The following ITPR2 variants were observed in gnomAD, a reference collection of about 807,000 sequenced individuals.
ITPR2 encodes inositol 1,4,5-trisphosphate receptor type 2.
ITPR2 carries 207 observed loss-of-function variants against 317.1 expected under a neutral mutation model. The ratio of observed to expected loss-of-function variants is 0.65; its 90% confidence interval spans 0.58 to 0.73. The LOEUF is 0.73. Ranked by LOEUF, ITPR2 falls within the 30% of genes least tolerant of loss-of-function variation. The pLI is 0.00. For synonymous variants in ITPR2, 1,156 were observed against 1,149.1 expected (o/e 1.01, Z -0.12); for missense variants, 2,613 against 3,284.0 (o/e 0.80, Z 4.99).
At chr12:26,809,532 T>C (rs1950696925) in intron 1 of ITPR2, among the ~76,000 whole-genome samples, 1 of 152,252 alleles carries the variant, frequency 6.6e-6, no homozygotes, top group Admixed American at 6.5e-5. Flanking sequence ...ATTTGACATT[T>C]TGGTAAGATT....
intron 46 of ITPR2, 150 bp downstream of exon 46, chr12:26,443,393 C>G: frequency 3.8e-6 from 2 of 525,142 alleles, no homozygotes. Flanking sequence ...CTATAAATCA[C>G]TCCTCACTCA....
In ITPR2 at chr12:26,402,917, T is replaced by C. The variant is rs574914245; in HGVS notation, c.7400-2659A>G. ...CTCCAACAGCCGCTGGACGAGGTGCTAGGAATATATGAGAGAAGGATGGAA... is the reference window on the plus strand; with the variant it reads ...CTCCAACAGCCGCTGGACGAGGTGCCAGGAATATATGAGAGAAGGATGGAA... On this transcript the variant is annotated intron_variant, in intron 52 of 56. Transcript: ENST00000381340. 3.3e-5 allele frequency among the ~76,000 whole-genome samples: 5 copies of C among 152,226 alleles called. No homozygotes were observed. In the East Asian group the frequency reaches 9.6e-4, roughly 29 times the overall value.
intron 9 of ITPR2, among the ~76,000 whole-genome samples, chr12:26,706,828 A>C (rs1948561168): frequency 6.6e-6 from 1 of 152,156 alleles, no homozygotes; most frequent in Admixed American, 6.5e-5. Context: ...TCTTAAAGCA[A>C]GGAGACCTGT....
intron 28 of ITPR2, 83 bp downstream of exon 28, chr12:26,602,287 G>T (rs1262299293): frequency 1.4e-6 from 2 of 1,469,132 alleles, no homozygotes; most frequent in Non-Finnish European, 1.8e-6. Flanking sequence ...AATTAAGAAA[G>T]AAAAAATTTC....
chr12:26,513,531 C>T (rs908943000), intron 37 of ITPR2, among the ~76,000 whole-genome samples: 2 of 150,376 alleles, frequency 1.3e-5, no homozygotes, highest in African/African-American at 4.8e-5. Context: ...TCCTCGGATA[C>T]TTTGTTCAGA....
intron 45 of ITPR2, among the ~76,000 whole-genome samples, chr12:26,461,623 TATAA>T (rs1162549863): frequency 0.024 from 220 of 9,260 alleles, 4 homozygotes; most frequent in Non-Finnish European, 0.038. Context: ...AAGAAAAGCA[TATAA>T]ATATATATAT....
chr12:26,631,898 C>T lies in ITPR2; in HGVS notation c.2902G>A (p.Asp968Asn). 1 of 1,613,992 alleles carries T rather than the reference C, an allele frequency of 6.2e-7. No individual in the cohort carries two copies. Among genetic ancestry groups the T allele is most frequent in the Non-Finnish European group, 8.5e-7 (1 of 1,179,986 alleles). ...PTEHEDVTVM[D>N]TKLKIIEILQ... ...ATCTCAATGATCTTCAGCTTGGTGT[C>T]CATCACAGTCACATCCTCGTGCTCG... Residue 968 changes from aspartate to asparagine, a missense_variant, in exon 22 of 57, where the codon GAC becomes AAC. By Grantham distance (23) the Asp-to-Asn change is conservative (BLOSUM62 1). Coordinates refer to ENST00000381340, the MANE Select transcript of ITPR2 (RefSeq NM_002223.4).
At position 26,481,229 on chromosome 12, in the gene ITPR2, T is replaced by C. The variant is rs1942539420; in HGVS notation, c.6025A>G (p.Thr2009Ala). Residue 2009 changes from threonine to alanine, a missense_variant, in exon 43 of 57, where the codon ACA becomes GCA. Transcript: ENST00000381340. ...PCHENQTCIA[T>A]HESNGIDIII... Reference sequence around the variant, plus strand: ...ATATCAATCCCATTAGACTCATGTGTAGCGATACAGGTCTAGAAAACAAAA... The same window carrying C: ...ATATCAATCCCATTAGACTCATGTGCAGCGATACAGGTCTAGAAAACAAAA... 3 of 1,603,212 alleles carry C rather than the reference T, an allele frequency of 1.9e-6. No homozygotes were observed. The highest frequency in any genetic ancestry group is 1.3e-5 in the African/African-American group (1 of 74,826).
At chr12:26,623,349 T>C (rs1019483544) in intron 24 of ITPR2, 1 of 152,080 alleles carries the variant, frequency 6.6e-6, no homozygotes, top group Non-Finnish European at 1.5e-5. Flanking sequence ...ATTAGTCACT[T>C]AGTAGCCGTA....
rs78148860 is a variant in ITPR2, at chr12:26,365,466, A to G, written c.7857+21968T>C. On this transcript the variant is annotated intron_variant, in intron 55 of 56. Transcript: ENST00000381340. Reference sequence around the variant, plus strand: ...TGACACAGGAGTTCAGAAGTAATAGATCAGAATTTTCATTAAGTACACATG... The same window carrying G: ...TGACACAGGAGTTCAGAAGTAATAGGTCAGAATTTTCATTAAGTACACATG... Among the ~76,000 whole-genome samples the G allele has an allele frequency of 1.3e-4, 20 of 152,268 alleles. No individual in the cohort carries two copies. In the East Asian group the frequency reaches 3.9e-3, roughly 29 times the overall value.
intron 52 of ITPR2, chr12:26,406,677 G>A (rs995985638): frequency 1.3e-5 from 2 of 152,122 alleles, no homozygotes; most frequent in Non-Finnish European, 2.9e-5. Flanking sequence ...GGGTTTGCAA[G>A]TTAAAATTTA....
intron 2 of ITPR2, among the ~76,000 whole-genome samples, chr12:26,761,573 C>G (rs370423008): frequency 6.6e-6 from 1 of 152,142 alleles, no homozygotes; most frequent in African/African-American, 2.4e-5. Context: ...GTGAGAGAAT[C>G]GCTTGAGGCC....
intron 55 of ITPR2, among the ~76,000 whole-genome samples, chr12:26,368,579 T>A (rs148371390): frequency 6.6e-6 from 1 of 152,226 alleles, no homozygotes; most frequent in Non-Finnish European, 1.5e-5. Flanking sequence ...CAAGCTGGCA[T>A]GTGAACTGAG....
Position 26,832,812 on chromosome 12 carries a change from C to T in ITPR2, c.-31G>A. ...TTCATGTTCCACAGTGGACGTCCCT[C>T]TTCTTCCCTGCGCCCTCGCCGCCCT... is the stretch of plus-strand genomic sequence containing the variant. On this transcript the variant is annotated 5_prime_UTR_variant, in exon 1 of 57. Coordinates refer to ENST00000381340, the MANE Select transcript of ITPR2 (RefSeq NM_002223.4). The T allele has an allele frequency of 5.2e-6, 8 of 1,535,244 alleles. No individual in the cohort carries two copies. The highest frequency in any genetic ancestry group is 7.2e-6 in the Non-Finnish European group (8 of 1,116,634).
intron 24 of ITPR2, 33 bp from the exon 25 acceptor site, chr12:26,622,438 C>T (rs1245738460): frequency 2.0e-6 from 3 of 1,516,410 alleles, no homozygotes; most frequent in Non-Finnish European, 2.7e-6. Context: ...AAAGTGACTC[C>T]TATTTATATA....
chr12:26,381,087 G>T (rs1039175836), intron 55 of ITPR2, among the ~76,000 whole-genome samples: 1 of 152,214 alleles, frequency 6.6e-6, no homozygotes, highest in African/African-American at 2.4e-5. Context: ...TACTCCTGTG[G>T]GAGGGAGAGG....
At chr12:26,791,613 C>G (rs1280922701) in intron 1 of ITPR2, among the ~76,000 whole-genome samples, 1 of 151,762 alleles carries the variant, frequency 6.6e-6, no homozygotes, top group Non-Finnish European at 1.5e-5. Context: ...TTTAATATAC[C>G]CTTCATTCAC....
At chr12:26,664,195 A>G (rs984900517) in intron 14 of ITPR2, among the ~76,000 whole-genome samples, 1 of 152,242 alleles carries the variant, frequency 6.6e-6, no homozygotes, top group Admixed American at 6.5e-5. Flanking sequence ...TAGGGGCTTT[A>G]TAATAAGTTT....
At chr12:26,678,554 G>A (rs1947964083) in intron 13 of ITPR2, among the ~76,000 whole-genome samples, 1 of 152,140 alleles carries the variant, frequency 6.6e-6, no homozygotes, top group African/African-American at 2.4e-5. Context: ...TTCCAAAACT[G>A]AGAAAATAAT....
Sources: gnomAD v4.1 joint callset for allele counts (sites outside exome capture counted in the v4.1 genomes callset) on GRCh38, gnomAD v4.1.1 for gene constraint, MANE v1.5 for transcripts, NCBI Gene and HGNC (gene_info 2026-07-23, HGNC 2026-07-21) for gene names.